Variants in CDC42SE2 observed in about 807,000 individuals in gnomAD.
The protein encoded by CDC42SE2 is CDC42 small effector protein 2.
Under a neutral mutation model 11.5 loss-of-function variants are expected in CDC42SE2, and 3 were observed. The observed-to-expected ratio is 0.26, with a 90% confidence interval of 0.12 to 0.67. CDC42SE2 has a LOEUF of 0.67. Ranked by LOEUF, CDC42SE2 falls within the 30% of genes least tolerant of loss-of-function variation. CDC42SE2 has a pLI of 0.80. For missense variants in CDC42SE2, 82 were observed against 106.8 expected (o/e 0.77, Z 1.02); for synonymous variants, 33 against 34.8 (o/e 0.95, Z 0.18).
intron 1 of CDC42SE2, among the ~76,000 whole-genome samples, chr5:131,304,881 CATAAA>C (rs1757750402): frequency 6.6e-6 from 1 of 152,096 alleles, no homozygotes; most frequent in African/African-American, 2.4e-5. Flanking sequence ...AATATTTAAA[CATAAA>C]ATTAAATGCA....
At chr5:131,287,105 G>A (rs144479823) in intron 1 of CDC42SE2, among the ~76,000 whole-genome samples, 3 of 151,976 alleles carry the variant, frequency 2.0e-5, no homozygotes, top group Middle Eastern at 3.4e-3. Flanking sequence ...AGCGATTCTC[G>A]TGCCTCAGTC....
intron 1 of CDC42SE2, among the ~76,000 whole-genome samples, chr5:131,292,919 A>AC (rs1757490926): frequency 6.7e-6 from 1 of 149,296 alleles, no homozygotes; most frequent in African/African-American, 2.5e-5. Flanking sequence ...AAAAAAAAAA[A>AC]AAAAAAAAAA....
chr5:131,234,635 C>CA, the CDC42SE2 span, among the ~76,000 whole-genome samples: 3,647 of 86,668 alleles, frequency 0.042, 63 homozygotes, highest in Non-Finnish European at 0.064. Context: ...GACTCTGTCT[C>CA]AAAAAAAAAA....
At chr5:131,356,102 T>C (rs912083107) in intron 2 of CDC42SE2, among the ~76,000 whole-genome samples, 4 of 152,228 alleles carry the variant, frequency 2.6e-5, no homozygotes, top group Non-Finnish European at 5.9e-5. Context: ...TTATGTCTTA[T>C]GAATCTATGA....
intron 1 of CDC42SE2, among the ~76,000 whole-genome samples, chr5:131,292,240 CAAAAAAA>C (rs1202956370): frequency 7.8e-5 from 2 of 25,602 alleles, no homozygotes; most frequent in African/African-American, 2.3e-4. Context: ...TCTGTCTCAC[CAAAAAAA>C]AAAAAAAAAA....
chr5:131,270,697 CAAA>C (rs1336233111), intron 1 of CDC42SE2, among the ~76,000 whole-genome samples: 1 of 152,158 alleles, frequency 6.6e-6, no homozygotes, highest in East Asian at 1.9e-4. Context: ...TTTTAGGTAA[CAAA>C]AAGTCTTCTG....
chr5:131,264,225 C>T (rs1756803013), intron 1 of CDC42SE2, 59 bp downstream of exon 1: 1 of 152,228 alleles, frequency 6.6e-6, no homozygotes. Flanking sequence ...CTCTCGGTCC[C>T]TTGGGCGGGG....
chr5:131,317,736 A>G (rs930240827), intron 2 of CDC42SE2, among the ~76,000 whole-genome samples: 2 of 151,980 alleles, frequency 1.3e-5, no homozygotes, highest in South Asian at 4.1e-4. Context: ...TTTCTTCTTG[A>G]AAATCTGTGG....
At chr5:131,368,252 C>CA (rs543328653) in intron 3 of CDC42SE2, among the ~76,000 whole-genome samples, 1,095 of 64,742 alleles carry the variant, frequency 0.017, 9 homozygotes, top group East Asian at 0.027. Context: ...GACTCCATCT[C>CA]AAAAAAAAAA....
rs527983503 is a variant in CDC42SE2 at position 131,351,430 on chromosome 5, A to T, written c.-285-7779A>T. ...CCACCACGCCCAGCAAATTTTTTGTATTTTTAGCAGAGACGGGGTTTCACC... is the reference window on the plus strand; with the variant it reads ...CCACCACGCCCAGCAAATTTTTTGTTTTTTTAGCAGAGACGGGGTTTCACC... On this transcript the variant is annotated intron_variant, in intron 2 of 4. Coordinates refer to ENST00000505065, the MANE Select transcript of CDC42SE2 (RefSeq NM_001375635.1). Among the ~76,000 whole-genome samples the T allele has an allele frequency of 8.9e-3, 1,348 of 151,964 alleles. 24 individuals are homozygous for T. The highest frequency in any genetic ancestry group is 0.031 in the African/African-American group (1,288 of 41,416).
chr5:131,237,545 G>C, the CDC42SE2 span, among the ~76,000 whole-genome samples: 1 of 152,028 alleles, frequency 6.6e-6, no homozygotes, highest in Non-Finnish European at 1.5e-5. Flanking sequence ...TGATGTGTTT[G>C]GACATACATA....
chr5:131,223,978 A>T, the CDC42SE2 span, among the ~76,000 whole-genome samples: 1 of 152,212 alleles, frequency 6.6e-6, no homozygotes, highest in East Asian at 1.9e-4. Context: ...GACACGGATC[A>T]TTCCCTCCTC....
chr5:131,259,872 T>G (rs1255256037), upstream of CDC42SE2, among the ~76,000 whole-genome samples: 1 of 152,274 alleles, frequency 6.6e-6, no homozygotes. Flanking sequence ...TGGAATTGTG[T>G]CTGGCACGTT....
the CDC42SE2 span, among the ~76,000 whole-genome samples, chr5:131,228,477 T>C: frequency 1.3e-5 from 2 of 152,216 alleles, no homozygotes; most frequent in Non-Finnish European, 2.9e-5. Flanking sequence ...CTGGCTTCAG[T>C]CTTTGACTTC....
At chr5:131,372,507 A>G in intron 3 of CDC42SE2, among the ~76,000 whole-genome samples, 1 of 152,044 alleles carries the variant, frequency 6.6e-6, no homozygotes, top group Non-Finnish European at 1.5e-5. Flanking sequence ...ACGTCAGGAG[A>G]TAAAGACCAT....
intron 4 of CDC42SE2, among the ~76,000 whole-genome samples, chr5:131,387,389 A>C (rs983624077): frequency 6.6e-6 from 1 of 152,274 alleles, no homozygotes; most frequent in South Asian, 2.1e-4. Context: ...TCTCTACCAA[A>C]AATACAAAAA....
At chr5:131,227,219 A>T in the CDC42SE2 span, among the ~76,000 whole-genome samples, 2 of 152,026 alleles carry the variant, frequency 1.3e-5, no homozygotes, top group African/African-American at 2.4e-5. Context: ...AGCTATGATT[A>T]TGCCAATGCA....
intron 1 of CDC42SE2, among the ~76,000 whole-genome samples, chr5:131,267,933 T>C (rs539139962): frequency 1.4e-3 from 216 of 152,254 alleles, no homozygotes; most frequent in Non-Finnish European, 1.9e-3. Flanking sequence ...TCATGAAAAA[T>C]ATTTTAACAT....
At chr5:131,303,999 G>C (rs929847723) in intron 1 of CDC42SE2, among the ~76,000 whole-genome samples, 1 of 149,352 alleles carries the variant, frequency 6.7e-6, no homozygotes, top group African/African-American at 2.5e-5. Flanking sequence ...TTGCTCTCTT[G>C]CCCAGGCTGG....
Sources: gnomAD v4.1 joint callset for allele counts (sites outside exome capture counted in the v4.1 genomes callset) on GRCh38, gnomAD v4.1.1 for gene constraint, MANE v1.5 for transcripts, NCBI Gene and HGNC (gene_info 2026-07-23, HGNC 2026-07-21) for gene names.